RIDA: variants seen among roughly 807,000 people sequenced by gnomAD.
The protein encoded by RIDA is 2-iminobutanoate/2-iminopropanoate deaminase.
In RIDA, 17 loss-of-function variants were observed where a neutral mutation model predicts 17.8. The ratio of observed to expected loss-of-function variants is 0.96; its 90% CI spans 0.65 to 1.43. The LOEUF (loss-of-function observed/expected upper bound fraction) is 1.43. RIDA is among the 40% of genes most tolerant of loss of function. The pLI is 0.00. For synonymous variants in RIDA, 48 were observed against 55.7 expected, an observed-to-expected ratio of 0.86 and a Z score of 0.62; for missense variants, 158 against 161.7, an observed-to-expected ratio of 0.98 and a Z score of 0.12.
intron 1 of RIDA, chr8:98,113,657 A>G (rs776268157): frequency 6.6e-6 from 1 of 152,146 alleles, no homozygotes; most frequent in Non-Finnish European, 1.5e-5. Flanking sequence ...AACCAGGAAC[A>G]TTACTGTTAT....
At position 98,102,690 on chromosome 8, in the gene RIDA, C is replaced by A; in HGVS notation, c.*152G>T. The A allele has an allele frequency of 3.6e-6, 2 of 549,108 alleles. No individual in the cohort carries two copies. The highest frequency in any genetic ancestry group is 6.4e-6 in the Non-Finnish European group (2 of 312,284). 34.0% of individuals were successfully genotyped at this position (549,108 alleles called of 1,614,324 possible). A position where few individuals can be genotyped will look rare whatever the true frequency, so the allele number is the denominator to read the frequency against. ...TTCTCTAATATTCATGTTCAACTCTCCCTATTACATGGTATTTCCATAATA... is the reference window on the plus strand; with the variant it reads ...TTCTCTAATATTCATGTTCAACTCTACCTATTACATGGTATTTCCATAATA... On this transcript the variant is annotated 3_prime_UTR_variant, in exon 6 of 6. Coordinates refer to ENST00000254878, the MANE Select transcript of RIDA (RefSeq NM_005836.3).
chr8:98,114,990 T>C (rs867264515), intron 1 of RIDA, among the ~76,000 whole-genome samples: 2 of 152,262 alleles, frequency 1.3e-5, no homozygotes, highest in African/African-American at 4.8e-5. Flanking sequence ...CATCACTTTT[T>C]AGTGGTGTAA....
intron 1 of RIDA, 87 bp from the exon 2 acceptor site, chr8:98,108,838 T>C: frequency 2.9e-6 from 2 of 693,218 alleles, no homozygotes; most frequent in South Asian, 1.8e-5. Context: ...GACAGAGAAG[T>C]ATAAATTGTA....
chr8:98,108,620 A>G, intron 2 of RIDA, 26 bp downstream of exon 2: 1 of 1,416,074 alleles, frequency 7.1e-7, no homozygotes, highest in Non-Finnish European at 1.0e-6. Context: ...TAGAAAAGGG[A>G]ACCTTAAATG....
chr8:98,111,066 G>A (rs755224847), intron 1 of RIDA, among the ~76,000 whole-genome samples: 5 of 152,134 alleles, frequency 3.3e-5, no homozygotes, highest in Non-Finnish European at 7.3e-5. Flanking sequence ...TTATAGCAGT[G>A]TGGAAACGAA....
intron 2 of RIDA, 72 bp from the exon 3 acceptor site, chr8:98,106,398 A>G (rs1815633220): frequency 1.6e-6 from 2 of 1,242,998 alleles, no homozygotes; most frequent in Non-Finnish European, 2.4e-6. Context: ...TCAATTAATC[A>G]TCTTTTACTA....
In RIDA at chr8:98,116,951, C is replaced by G. The variant is rs1815846412; in HGVS notation, c.65+81G>C. 1.3e-5 allele frequency: 15 copies of G among 1,130,796 alleles called. No individual in the cohort carries two copies. In the South Asian group the frequency reaches 1.9e-4, roughly 15 times the overall value. 70.0% of individuals were successfully genotyped at this position (1,130,796 alleles called of 1,614,324 possible). ...CAATTTCCTTGCGTGTTAGCTGGGG[C>G]TCCGGCCCGGAGTGGCCCCAACCCC... On this transcript the variant is annotated intron_variant, in intron 1 of 5. Transcript: ENST00000254878.
At chr8:98,112,581 T>G (rs1404280198) in intron 1 of RIDA, among the ~76,000 whole-genome samples, 1 of 152,200 alleles carries the variant, frequency 6.6e-6, no homozygotes, top group African/African-American at 2.4e-5. Context: ...GGAGGTATGT[T>G]TAAACTTGAT....
intron 5 of RIDA, among the ~76,000 whole-genome samples, chr8:98,103,517 A>AT: frequency 6.6e-6 from 1 of 152,308 alleles, no homozygotes; most frequent in South Asian, 2.1e-4. Context: ...GAAGGCTTAG[A>AT]TTTTTAATTG....
At chr8:98,110,512 C>A (rs375000235) in intron 1 of RIDA, among the ~76,000 whole-genome samples, 66 of 152,066 alleles carry the variant, frequency 4.3e-4, no homozygotes, top group African/African-American at 1.1e-3. Context: ...CGCCTGCCTC[C>A]GCTTCCCAAA....
At position 98,104,610 on chromosome 8, in the gene RIDA, T is replaced by C. The variant is rs367867762; in HGVS notation, c.296-66A>G. The C allele has an allele frequency of 4.0e-4, 384 of 951,070 alleles. 4 individuals are homozygous for C. Among genetic ancestry groups the C allele is most frequent in the African/African-American group, 3.5e-3 (211 of 60,144 alleles). 58.9% of individuals were successfully genotyped at this position (951,070 alleles called of 1,614,324 possible). The stretch of plus-strand genomic sequence containing the variant: ...TGAAAAAATAAAGATCAAGTGAAAA[T>C]TTTTATTTTAGTTTTCAGATATTCT... On this transcript the variant is annotated intron_variant, in intron 4 of 5. Coordinates refer to ENST00000254878, the MANE Select transcript of RIDA (RefSeq NM_005836.3).
At chr8:98,110,318 A>G (rs1364454395) in intron 1 of RIDA, among the ~76,000 whole-genome samples, 1 of 152,184 alleles carries the variant, frequency 6.6e-6, no homozygotes, top group Non-Finnish European at 1.5e-5. Context: ...GCTGGAGTGC[A>G]GTGGCACAAT....
Position 98,106,253 on chromosome 8 carries a change from A to G in RIDA, c.226+19T>C. The G allele has an allele frequency of 6.2e-7, 1 of 1,608,100 alleles. No homozygotes were observed. Among genetic ancestry groups the G allele is most frequent in the South Asian group, 1.1e-5 (1 of 90,520 alleles). ...AAGAAATATCAAAAAGAAATGTGAAATAATATCAAATTGCTCACCGTTAGT... is the reference window on the plus strand; with the variant it reads ...AAGAAATATCAAAAAGAAATGTGAAGTAATATCAAATTGCTCACCGTTAGT... On this transcript the variant is annotated intron_variant, in intron 3 of 5. Transcript: ENST00000254878.
intron 2 of RIDA, chr8:98,106,546 A>C (rs1256272714): frequency 2.0e-6 from 1 of 495,686 alleles, no homozygotes; most frequent in African/African-American, 1.9e-5. Flanking sequence ...TAAAAAGACT[A>C]GGTTGAAGTT....
At chr8:98,115,429 A>C (rs1815796015) in intron 1 of RIDA, among the ~76,000 whole-genome samples, 2 of 150,500 alleles carry the variant, frequency 1.3e-5, no homozygotes, top group African/African-American at 2.4e-5. Flanking sequence ...ATAGTGCCCA[A>C]TGCTGCTGAG....
chr8:98,114,436 T>G (rs956878240), intron 1 of RIDA, among the ~76,000 whole-genome samples: 9 of 151,604 alleles, frequency 5.9e-5, no homozygotes, highest in South Asian at 2.1e-4. Flanking sequence ...AGCAATTCAC[T>G]GCCTCAGCCT....
At chr8:98,114,853 T>C (rs1393650421) in intron 1 of RIDA, among the ~76,000 whole-genome samples, 1 of 152,002 alleles carries the variant, frequency 6.6e-6, no homozygotes, top group Non-Finnish European at 1.5e-5. Flanking sequence ...GTAAGACTTA[T>C]ACACAGTCTT....
At chr8:98,114,802 A>G (rs987641305) in intron 1 of RIDA, among the ~76,000 whole-genome samples, 12 of 152,198 alleles carry the variant, frequency 7.9e-5, no homozygotes, top group African/African-American at 2.9e-4. Flanking sequence ...TCCAAAGTCC[A>G]ACTCTTAATC....
chr8:98,117,009 A>G, intron 1 of RIDA, 23 bp downstream of exon 1: 9 of 1,607,206 alleles, frequency 5.6e-6, no homozygotes, highest in Non-Finnish European at 7.7e-6. Flanking sequence ...TGGGTCCGAC[A>G]CAGCTTCCAC....
Sources: gnomAD v4.1 joint callset for allele counts (sites outside exome capture counted in the v4.1 genomes callset) on GRCh38, gnomAD v4.1.1 for gene constraint, MANE v1.5 for transcripts, NCBI Gene and HGNC (gene_info 2026-07-23, HGNC 2026-07-21) for gene names.